Variants in GABPA observed in about 807,000 individuals in gnomAD.
The protein encoded by GABPA is GA-binding protein alpha chain.
A neutral mutation model predicts 59.4 loss-of-function variants in GABPA; 4 were observed. The ratio of observed to expected loss-of-function variants is 0.07; its 90% CI spans 0.03 to 0.15. GABPA has a LOEUF of 0.15. Ranked by LOEUF, GABPA falls within the 10% of genes least tolerant of loss-of-function variation. The pLI, the probability that GABPA is intolerant of heterozygous loss-of-function variation, is 1.00. For synonymous variants in GABPA, 164 were observed against 183.1 expected (o/e 0.90, Z 0.84); for missense variants, 251 against 543.8 (o/e 0.46, Z 5.36).
chr21:25,751,899 C>A, intron 4 of GABPA, 90 bp from the exon 5 acceptor site: 1 of 1,316,416 alleles, frequency 7.6e-7, no homozygotes, highest in Non-Finnish European at 1.1e-6. Flanking sequence ...TAGTTTTTCT[C>A]TACCATTTGG....
intron 6 of GABPA, among the ~76,000 whole-genome samples, chr21:25,760,855 T>C (rs1194902974): frequency 2.0e-5 from 3 of 151,034 alleles, no homozygotes; most frequent in African/African-American, 7.4e-5. Context: ...TGGACCAGTC[T>C]TTCAAAAACT....
intron 3 of GABPA, among the ~76,000 whole-genome samples, chr21:25,745,890 C>T (rs376327700): frequency 1.1e-4 from 16 of 152,198 alleles, no homozygotes; most frequent in African/African-American, 3.4e-4. Context: ...TCATATTTTA[C>T]AGTATGTTTT....
At chr21:25,757,567 G>A (rs2035665559) in intron 5 of GABPA, among the ~76,000 whole-genome samples, 1 of 152,086 alleles carries the variant, frequency 6.6e-6, no homozygotes, top group African/African-American at 2.4e-5. Flanking sequence ...GGAAGGAAAA[G>A]GGAGGAAAAA....
chr21:25,741,744 T>G, intron 2 of GABPA, 69 bp downstream of exon 2: 1 of 976,942 alleles, frequency 1.0e-6, no homozygotes, highest in Non-Finnish European at 1.6e-6. Context: ...AGGAAACAAG[T>G]CATAGTTCTT....
chr21:25,745,419 G>A, intron 3 of GABPA, 65 bp downstream of exon 3: 1 of 1,476,592 alleles, frequency 6.8e-7, no homozygotes, highest in East Asian at 2.3e-5. Context: ...TTTTTTGTTA[G>A]CCTTTTCTTT....
At chr21:25,742,923 G>C (rs1184653734) in intron 2 of GABPA, among the ~76,000 whole-genome samples, 1 of 149,818 alleles carries the variant, frequency 6.7e-6, no homozygotes, top group Non-Finnish European at 1.5e-5. Flanking sequence ...ACAGGACAAG[G>C]TGCGGTCTCA....
At chr21:25,764,835 T>C (rs2035851602) in intron 9 of GABPA, 48 bp downstream of exon 9, 6 of 1,349,844 alleles carry the variant, frequency 4.4e-6, no homozygotes, top group Admixed American at 2.7e-5. Context: ...AGAAACTTTC[T>C]AAAAAATAGT....
rs565549073 is a variant in GABPA at position 25,762,295 on chromosome 21, A to T, written c.749-17A>T. The T allele has an allele frequency of 2.0e-6, 3 of 1,481,476 alleles. No individual in the cohort carries two copies. The highest frequency in any genetic ancestry group is 2.3e-5 in the East Asian group (1 of 43,600). 91.8% of individuals were successfully genotyped at this position (1,481,476 alleles called of 1,614,324 possible). A position where few individuals can be genotyped will look rare whatever the true frequency, so the allele number is the denominator to read the frequency against. On this transcript the variant is annotated splice_polypyrimidine_tract_variant and intron_variant, in intron 6 of 9. Transcript: ENST00000400075. ...TTTTGGTTTTAAATAAAAACAAAAA[A>T]TTTTTGTTTTTTTCAGATGTATTGG...
chr21:25,745,106 G>T, intron 2 of GABPA, 104 bp from the exon 3 acceptor site: 1 of 1,275,600 alleles, frequency 7.8e-7, no homozygotes, highest in Non-Finnish European at 1.1e-6. Context: ...ACTTTTCAAA[G>T]ACCAGAAATG....
chr21:25,755,971 C>G (rs1031615769), intron 5 of GABPA, among the ~76,000 whole-genome samples: 2 of 152,206 alleles, frequency 1.3e-5, no homozygotes, highest in Admixed American at 1.3e-4. Flanking sequence ...TCGATTACCA[C>G]TCTGCTTATT....
chr21:25,757,261 G>A (rs922532839), intron 5 of GABPA, among the ~76,000 whole-genome samples: 5 of 152,064 alleles, frequency 3.3e-5, no homozygotes, highest in African/African-American at 4.8e-5. Context: ...TATTAGGTGC[G>A]GGTGATACAG....
At chr21:25,749,209 T>C (rs909997856) in intron 4 of GABPA, 89 bp downstream of exon 4, 2 of 740,462 alleles carry the variant, frequency 2.7e-6, no homozygotes, top group Non-Finnish European at 4.6e-6. Context: ...TCGATGGTTG[T>C]CTACATTACT....
chr21:25,756,345 C>T (rs997978290), intron 5 of GABPA, among the ~76,000 whole-genome samples: 5 of 152,090 alleles, frequency 3.3e-5, no homozygotes, highest in South Asian at 2.1e-4. Context: ...CAGTTCTTGT[C>T]GACTTTTACC....
intron 9 of GABPA, among the ~76,000 whole-genome samples, chr21:25,765,399 A>G (rs1021587603): frequency 2.0e-5 from 3 of 152,010 alleles, no homozygotes; most frequent in African/African-American, 7.2e-5. Context: ...GTTTTTCTAA[A>G]TAGCATGCTT....
intron 3 of GABPA, among the ~76,000 whole-genome samples, chr21:25,747,795 A>G (rs141246730): frequency 6.6e-6 from 1 of 152,352 alleles, no homozygotes; most frequent in African/African-American, 2.4e-5. Context: ...GGATAATACC[A>G]GTGTCCACCA....
At chr21:25,763,287 T>C (rs2035808283) in intron 7 of GABPA, 1 of 356,082 alleles carries the variant, frequency 2.8e-6, no homozygotes, top group South Asian at 3.1e-5. Context: ...TCCCCCCTTT[T>C]CAGCATGCAT....
chr21:25,757,980 C>T, intron 5 of GABPA, 30 bp from the exon 6 acceptor site: 1 of 1,375,314 alleles, frequency 7.3e-7, no homozygotes, highest in Non-Finnish European at 9.7e-7. Context: ...TAAAATGGAA[C>T]TAGGCTAAAG....
At chr21:25,763,674 T>C (rs975172720) in intron 7 of GABPA, among the ~76,000 whole-genome samples, 3 of 152,202 alleles carry the variant, frequency 2.0e-5, no homozygotes, top group African/African-American at 7.2e-5. Context: ...CATTTGAGAA[T>C]TACTCATGTT....
At chr21:25,759,950 T>C (rs533838889) in intron 6 of GABPA, among the ~76,000 whole-genome samples, 2 of 152,356 alleles carry the variant, frequency 1.3e-5, no homozygotes, top group South Asian at 4.1e-4. Context: ...CTCTTATTGC[T>C]TCTCAAACTT....
Sources: allele counts gnomAD v4.1 joint callset (sites outside exome capture counted in the v4.1 genomes callset), GRCh38; gene constraint gnomAD v4.1.1; transcripts MANE v1.5; gene names NCBI Gene and HGNC (gene_info 2026-07-23, HGNC 2026-07-21).